Variants in COP1 observed in about 807,000 individuals in gnomAD.
The protein encoded by COP1 is COP1 E3 ubiquitin ligase, also known as E3 ubiquitin-protein ligase COP1.
In COP1, 24 loss-of-function variants were observed where a neutral mutation model predicts 101.3. The observed-to-expected ratio is 0.24, with a 90% CI of 0.17 to 0.33. COP1 has a LOEUF of 0.33. COP1 is among the 10% of genes least tolerant of loss of function. The probability of loss-of-function intolerance (pLI) is 1.00; values close to 1 mark genes in which losing one functional copy is unlikely to be tolerated. For synonymous variants in COP1, 347 were observed against 341.9 expected, an observed-to-expected ratio of 1.01 and a Z score of -0.17; for missense variants, 663 against 906.2, an observed-to-expected ratio of 0.73 and a Z score of 3.45.
At chr1:175,981,573 A>C (rs1655879794) in intron 18 of COP1, among the ~76,000 whole-genome samples, 1 of 152,204 alleles carries the variant, frequency 6.6e-6, no homozygotes, top group Non-Finnish European at 1.5e-5. Flanking sequence ...AACTACTAGA[A>C]AACATAAGGT....
chr1:176,086,779 A>G (rs2149429296), intron 9 of COP1, among the ~76,000 whole-genome samples: 1 of 152,302 alleles, frequency 6.6e-6, no homozygotes, highest in East Asian at 1.9e-4. Context: ...ATATGGAACC[A>G]AAAAAGAGCC....
chr1:176,090,342 A>G (rs1432280481), intron 9 of COP1, among the ~76,000 whole-genome samples: 1 of 152,138 alleles, frequency 6.6e-6, no homozygotes, highest in African/African-American at 2.4e-5. Flanking sequence ...ACCTCTTGAG[A>G]CTATGCCTCA....
intron 18 of COP1, among the ~76,000 whole-genome samples, chr1:175,950,174 A>G (rs898127947): frequency 6.6e-6 from 1 of 152,122 alleles, no homozygotes; most frequent in East Asian, 1.9e-4. Context: ...GTTAACTCTT[A>G]ACACTATTTC....
chr1:176,163,767 A>G (rs1460832136), intron 4 of COP1, 48 bp downstream of exon 4: 2 of 1,217,376 alleles, frequency 1.6e-6, no homozygotes, highest in East Asian at 2.5e-5. Flanking sequence ...ACCAATAAAA[A>G]CAACAAAATG....
intron 6 of COP1, among the ~76,000 whole-genome samples, chr1:176,145,694 T>C (rs555073647): frequency 6.6e-6 from 1 of 152,294 alleles, no homozygotes; most frequent in East Asian, 1.9e-4. Context: ...TACAACCATG[T>C]GGATGAATCT....
intron 15 of COP1, among the ~76,000 whole-genome samples, chr1:176,005,239 C>G (rs1267410042): frequency 6.6e-6 from 1 of 152,048 alleles, no homozygotes; most frequent in Non-Finnish European, 1.5e-5. Context: ...TGATTCTTCT[C>G]TCTTTTCTTC....
rs2149182054 is a variant in COP1, at chr1:176,043,175, TC to T, written c.1612+10del. ...GAGAAGGAGGTGCTGAGAAAGAGAT[TC>T]AAACAGTACCTTTTGCATCATCAGA... On this transcript the variant is annotated intron_variant, in intron 14 of 19. Coordinates refer to ENST00000367669, the MANE Select transcript of COP1 (RefSeq NM_022457.7). 1 of 1,575,764 alleles carries T rather than the reference TC, an allele frequency of 6.3e-7. No individual in the cohort carries two copies. Among genetic ancestry groups the T allele is most frequent in the South Asian group, 1.1e-5 (1 of 89,808 alleles).
At chr1:176,197,314 T>C (rs931590491) in intron 1 of COP1, among the ~76,000 whole-genome samples, 13 of 152,122 alleles carry the variant, frequency 8.5e-5, no homozygotes, top group Admixed American at 3.3e-4. Flanking sequence ...ACTAGGAAGA[T>C]GAGGGAGGAG....
chr1:176,137,122 G>A (rs1335419018), intron 6 of COP1, among the ~76,000 whole-genome samples: 1 of 152,144 alleles, frequency 6.6e-6, no homozygotes, highest in African/African-American at 2.4e-5. Flanking sequence ...CCACAAGTCA[G>A]TATCTTAACA....
chr1:175,991,944 T>TA (rs1416045509), intron 15 of COP1, among the ~76,000 whole-genome samples: 1 of 152,140 alleles, frequency 6.6e-6, no homozygotes, highest in African/African-American at 2.4e-5. Context: ...TATAGTAACT[T>TA]AAAAAAACAA....
chr1:176,171,961 T>C (rs1696140734), intron 3 of COP1, among the ~76,000 whole-genome samples: 1 of 152,252 alleles, frequency 6.6e-6, no homozygotes, highest in Non-Finnish European at 1.5e-5. Flanking sequence ...GACATTTAGA[T>C]TCCACCGGTT....
At chr1:176,032,789 T>G (rs558214730) in intron 14 of COP1, among the ~76,000 whole-genome samples, 1 of 151,752 alleles carries the variant, frequency 6.6e-6, no homozygotes, top group Non-Finnish European at 1.5e-5. Context: ...TGGAACAAGG[T>G]AGGTGAAGGG....
chr1:175,959,812 T>A (rs1008944290), intron 18 of COP1, among the ~76,000 whole-genome samples: 7 of 152,140 alleles, frequency 4.6e-5, no homozygotes, highest in African/African-American at 1.7e-4. Flanking sequence ...AGGTGTGAAA[T>A]CTTTCTAGGT....
At chr1:176,160,238 T>C (rs1165892249) in intron 5 of COP1, 1 of 399,540 alleles carries the variant, frequency 2.5e-6, no homozygotes, top group Non-Finnish European at 4.9e-6. Flanking sequence ...GCTTTTGGTA[T>C]GGTAGCCCAC....
intron 8 of COP1, among the ~76,000 whole-genome samples, chr1:176,123,193 C>T (rs1325683572): frequency 6.6e-6 from 1 of 152,094 alleles, no homozygotes; most frequent in Non-Finnish European, 1.5e-5. Flanking sequence ...CTCAGAAGTA[C>T]TCCAGAAATA....
intron 1 of COP1, among the ~76,000 whole-genome samples, chr1:176,189,058 A>C (rs1484009878): frequency 1.3e-5 from 2 of 152,220 alleles, no homozygotes; most frequent in African/African-American, 2.4e-5. Flanking sequence ...TTCAAAAACA[A>C]GAAAATATCC....
At chr1:175,984,432 A>T (rs1030946159) in intron 18 of COP1, among the ~76,000 whole-genome samples, 1 of 152,206 alleles carries the variant, frequency 6.6e-6, no homozygotes, top group Non-Finnish European at 1.5e-5. Context: ...ATTTCAGAGG[A>T]TGTATGGAAA....
chr1:176,195,566 T>G (rs1444660674), intron 1 of COP1, among the ~76,000 whole-genome samples: 5 of 152,166 alleles, frequency 3.3e-5, no homozygotes, highest in Admixed American at 3.3e-4. Context: ...AAGCTTATGG[T>G]GGACCATGAA....
intron 15 of COP1, among the ~76,000 whole-genome samples, chr1:176,004,589 T>C (rs1182513540): frequency 6.6e-6 from 1 of 152,200 alleles, no homozygotes; most frequent in Non-Finnish European, 1.5e-5. Context: ...TGAAGGCTTT[T>C]TCTGCATCTA....
Sources: gnomAD v4.1 joint callset for allele counts (sites outside exome capture counted in the v4.1 genomes callset) on GRCh38, gnomAD v4.1.1 for gene constraint, MANE v1.5 for transcripts, NCBI Gene and HGNC (gene_info 2026-07-23, HGNC 2026-07-21) for gene names.